The following ADARB2 variants were observed in gnomAD, a reference collection of about 807,000 sequenced individuals.
ADARB2 encodes the protein inactive double-stranded RNA-specific editase B2.
In ADARB2, 25 loss-of-function variants were observed where a neutral mutation model predicts 62.2. The observed-to-expected ratio is 0.40, with a 90% CI of 0.29 to 0.56. The LOEUF (loss-of-function observed/expected upper bound fraction) is 0.56. ADARB2 is among the 20% of genes least tolerant of loss of function. The probability of loss-of-function intolerance (pLI) is 0.43; values close to 1 mark genes in which losing one functional copy is unlikely to be tolerated. For missense variants in ADARB2, 1,071 were observed against 1,077.4 expected (o/e 0.99, Z 0.08); for synonymous variants, 572 against 500.8 (o/e 1.14, Z -1.90).
intron 2 of ADARB2, 58 bp from the exon 3 acceptor site, chr10:1,363,975 A>T (rs1832289737): frequency 7.1e-7 from 1 of 1,411,498 alleles, no homozygotes. Context: ...GTCGATGGGC[A>T]CAGCAGGCAC....
chr10:1,661,766 C>T (rs1028291960), intron 1 of ADARB2, among the ~76,000 whole-genome samples: 2 of 152,328 alleles, frequency 1.3e-5, no homozygotes, highest in African/African-American at 4.8e-5. Context: ...TCCCATTGCA[C>T]AGACAGATAC....
chr10:1,276,319 C>T (rs1470886067), intron 3 of ADARB2, among the ~76,000 whole-genome samples: 2 of 152,134 alleles, frequency 1.3e-5, no homozygotes, highest in Admixed American at 6.5e-5. Context: ...TGAGAAGTGT[C>T]TGTTCATATC....
chr10:1,476,380 G>A (rs1365727824), intron 1 of ADARB2, among the ~76,000 whole-genome samples: 1 of 152,190 alleles, frequency 6.6e-6, no homozygotes, highest in African/African-American at 2.4e-5. Flanking sequence ...GGGCTGAGTG[G>A]GAAGAAGGCC....
chr10:1,323,370 C>A (rs931438308), intron 3 of ADARB2, among the ~76,000 whole-genome samples: 1 of 151,742 alleles, frequency 6.6e-6, no homozygotes, highest in Non-Finnish European at 1.5e-5. Context: ...GATTGGAAGA[C>A]TGAAATAGAA....
chr10:1,306,309 A>C (rs1263551715), intron 3 of ADARB2, among the ~76,000 whole-genome samples: 3 of 152,210 alleles, frequency 2.0e-5, no homozygotes, highest in Non-Finnish European at 2.9e-5. Context: ...CCCATTCACA[A>C]TTGCTTCAAA....
At chr10:1,484,759 T>C (rs887105201) in intron 1 of ADARB2, among the ~76,000 whole-genome samples, 3 of 152,090 alleles carry the variant, frequency 2.0e-5, no homozygotes, top group Non-Finnish European at 2.9e-5. Flanking sequence ...TATAGGTACA[T>C]ATACAGGGAG....
chr10:1,371,217 G>A (rs1282673562), intron 2 of ADARB2, among the ~76,000 whole-genome samples: 1 of 152,168 alleles, frequency 6.6e-6, no homozygotes, highest in Non-Finnish European at 1.5e-5. Flanking sequence ...TCAGTAAATG[G>A]TGCTGGGAAA....
intron 1 of ADARB2, among the ~76,000 whole-genome samples, chr10:1,663,823 G>T (rs972880978): frequency 6.6e-5 from 10 of 152,146 alleles, no homozygotes; most frequent in Admixed American, 2.0e-4. Context: ...TCGCCATCTT[G>T]ACCAGGCTGG....
intron 1 of ADARB2, among the ~76,000 whole-genome samples, chr10:1,624,878 T>TA (rs942590457): frequency 6.6e-6 from 1 of 152,030 alleles, no homozygotes; most frequent in African/African-American, 2.4e-5. Context: ...GACTTGGAAT[T>TA]AAAAAAAACT....
rs938923798 is a variant in ADARB2 at position 1,178,022 on chromosome 10, G to A, written c.*5171C>T. On this transcript the variant is annotated 3_prime_UTR_variant, in exon 10 of 10. Coordinates refer to ENST00000381312, the MANE Select transcript of ADARB2 (RefSeq NM_018702.4). ...TGGCCACCAGCGTTCCTTCTGGTGG[G>A]AGGTCAGAACATGTGGACACATTCA... is the stretch of plus-strand genomic sequence containing the variant. 6.6e-6 allele frequency: 1 copy of A among 152,200 alleles called. No homozygotes were observed. The highest frequency in any genetic ancestry group is 2.4e-5 in the African/African-American group (1 of 41,434). 9.4% of individuals were successfully genotyped at this position (152,200 alleles called of 1,614,324 possible).
chr10:1,587,607 G>A (rs927627598), intron 1 of ADARB2, among the ~76,000 whole-genome samples: 4 of 152,082 alleles, frequency 2.6e-5, no homozygotes, highest in Admixed American at 6.6e-5. Flanking sequence ...GTGGGTTCCC[G>A]TGAGAAATAA....
chr10:1,476,080 G>A (rs1452460097), intron 1 of ADARB2, among the ~76,000 whole-genome samples: 1 of 152,222 alleles, frequency 6.6e-6, no homozygotes, highest in Non-Finnish European at 1.5e-5. Context: ...TGTCACTAGT[G>A]ATTAAAGAGA....
chr10:1,735,179 C>G (rs969319364), intron 1 of ADARB2, among the ~76,000 whole-genome samples: 1 of 152,184 alleles, frequency 6.6e-6, no homozygotes, highest in Non-Finnish European at 1.5e-5. Context: ...AATGCCCTTT[C>G]CCGCTTCAAT....
At chr10:1,267,220 A>G (rs1831213602) in intron 4 of ADARB2, among the ~76,000 whole-genome samples, 1 of 152,068 alleles carries the variant, frequency 6.6e-6, no homozygotes, top group Admixed American at 6.6e-5. Flanking sequence ...GGTCAGAAAT[A>G]TTGGATAAAA....
intron 1 of ADARB2, among the ~76,000 whole-genome samples, chr10:1,574,275 C>T (rs933768658): frequency 6.6e-6 from 1 of 152,194 alleles, no homozygotes; most frequent in Non-Finnish European, 1.5e-5. Flanking sequence ...GGACATGAGT[C>T]GAACCTGCAT....
At chr10:1,431,863 G>T (rs1472956430) in intron 1 of ADARB2, among the ~76,000 whole-genome samples, 1 of 152,148 alleles carries the variant, frequency 6.6e-6, no homozygotes, top group Non-Finnish European at 1.5e-5. Context: ...GAAATGGCTT[G>T]TAGAAAACCA....
intron 3 of ADARB2, among the ~76,000 whole-genome samples, chr10:1,303,024 CGGA>C (rs1428651083): frequency 6.6e-6 from 1 of 151,764 alleles, no homozygotes; most frequent in East Asian, 2.0e-4. Flanking sequence ...CAAAGCTGGA[CGGA>C]GAATGACTTT....
Position 1,547,757 on chromosome 10 carries a change from G to T in ADARB2, c.101-168597C>A, listed in dbSNP as rs552086655. Reference sequence around the variant, plus strand: ...GTGCAAGTCTACGCACTGTGTTGGGGGGAGAGGCTGCACTGGTGTATACAC... The same window carrying T: ...GTGCAAGTCTACGCACTGTGTTGGGTGGAGAGGCTGCACTGGTGTATACAC... On this transcript the variant is annotated intron_variant, in intron 1 of 9. Coordinates refer to ENST00000381312, the MANE Select transcript of ADARB2 (RefSeq NM_018702.4). Among the ~76,000 whole-genome samples, 68 of 146,046 alleles carry T rather than the reference G, an allele frequency of 4.7e-4. No homozygotes were observed. In the East Asian group the frequency reaches 0.01, roughly 22 times the overall value.
In ADARB2 at chr10:1,218,907, G is replaced by A. The variant is rs1040679438; in HGVS notation, c.1514-1788C>T. On this transcript the variant is annotated intron_variant, in intron 6 of 9. Coordinates refer to ENST00000381312, the MANE Select transcript of ADARB2 (RefSeq NM_018702.4). ...AAAATACAAAAAAAAAAAATTAGCC[G>A]GGCGTGGTGGCGGGCGCCTGTAGTC... is the stretch of plus-strand genomic sequence containing the variant. Among the ~76,000 whole-genome samples, 37 of 151,852 alleles carry A rather than the reference G, an allele frequency of 2.4e-4. No individual in the cohort carries two copies. In the South Asian group the frequency reaches 4.0e-3, roughly 16 times the overall value.
Sources: gnomAD v4.1 joint callset for allele counts (sites outside exome capture counted in the v4.1 genomes callset) on GRCh38, gnomAD v4.1.1 for gene constraint, MANE v1.5 for transcripts, NCBI Gene and HGNC (gene_info 2026-07-23, HGNC 2026-07-21) for gene names.